POLQ: variants seen among roughly 807,000 people sequenced by gnomAD.
POLQ encodes the protein epididymis secretory sperm binding protein.
Under a neutral mutation model 259.2 loss-of-function variants are expected in POLQ, and 233 were observed. That is an observed-to-expected ratio of 0.90 (90% CI 0.81 to 1.00). The LOEUF is 1.00. Ranked by LOEUF, POLQ falls within the 50% of genes least tolerant of loss-of-function variation. The pLI is 0.00. For missense variants in POLQ, 2,871 were observed against 3,051.6 expected, an observed-to-expected ratio of 0.94 and a Z score of 1.39; for synonymous variants, 1,025 against 1,048.8, an observed-to-expected ratio of 0.98 and a Z score of 0.44.
At position 121,489,601 on chromosome 3, in the gene POLQ, A is replaced by T. The variant is rs1376879671; in HGVS notation, c.3330T>A (p.Asn1110Lys). ...TTATTTGTAATGGGAATGATGTTTT[A>T]TTATCTTTTTCCTTACCACTCAAAG... is the stretch of plus-strand genomic sequence containing the variant. The part of the protein sequence containing the change: ...NVSLSGKEKD[N>K]KTSFPLQIKQ... Residue 1110 changes from asparagine to lysine, a missense_variant, in exon 16 of 30, where the codon AAT becomes AAA. Physicochemically the swap from Asn to Lys is moderately conservative, Grantham distance 94. Coordinates refer to ENST00000264233, the MANE Select transcript of POLQ (RefSeq NM_199420.4). The T allele has an allele frequency of 6.2e-7, 1 of 1,613,104 alleles. No individual in the cohort carries two copies. The highest frequency in any genetic ancestry group is 8.5e-7 in the Non-Finnish European group (1 of 1,179,612).
intron 29 of POLQ, 62 bp from the exon 30 acceptor site, chr3:121,432,479 C>T: frequency 6.4e-7 from 1 of 1,555,914 alleles, no homozygotes; most frequent in Non-Finnish European, 8.6e-7. Context: ...CCAAACCATC[C>T]CCTGAGAAAG....
intron 24 of POLQ, 49 bp from the exon 25 acceptor site, chr3:121,460,283 C>A (rs776051052): frequency 1.9e-4 from 265 of 1,389,976 alleles, no homozygotes; most frequent in Non-Finnish European, 2.6e-4. Context: ...TTCTATATCA[C>A]ACAATCCAAG....
At chr3:121,436,628 A>G (rs1018910207) in intron 27 of POLQ, among the ~76,000 whole-genome samples, 10 of 152,146 alleles carry the variant, frequency 6.6e-5, no homozygotes, top group Non-Finnish European at 1.0e-4. Context: ...GCTCCTCAAA[A>G]TAATCTTAAT....
At chr3:121,455,807 A>C (rs1382491049) in intron 25 of POLQ, among the ~76,000 whole-genome samples, 1 of 152,234 alleles carries the variant, frequency 6.6e-6, no homozygotes, top group Admixed American at 6.5e-5. Flanking sequence ...CCAGAGTTAC[A>C]AGGAGGAACT....
At chr3:121,479,009 C>T (rs1394067707) in intron 19 of POLQ, among the ~76,000 whole-genome samples, 1 of 152,144 alleles carries the variant, frequency 6.6e-6, no homozygotes, top group African/African-American at 2.4e-5. Context: ...ATTTACACAA[C>T]AGCTCAGGTT....
rs1390604334 is a variant in POLQ, at chr3:121,472,144, CTTTAA to C, written c.6559_6563del (p.Leu2187GlyfsTer17). 1 of 1,495,888 alleles carries C rather than the reference CTTTAA, an allele frequency of 6.7e-7. No homozygotes were observed. The highest frequency in any genetic ancestry group is 9.1e-7 in the Non-Finnish European group (1 of 1,101,632). 92.7% of individuals were successfully genotyped at this position (1,495,888 alleles called of 1,614,324 possible). A position where few individuals can be genotyped will look rare whatever the true frequency, so the allele number is the denominator to read the frequency against. ...TCAAGCCTGGTAAAGGATGTAATGC[CTTTAA>C]TTTATTTAAAACGTCCTGCCAAAAA... is the stretch of plus-strand genomic sequence containing the variant. On this transcript the variant is annotated frameshift_variant, in exon 22 of 30. Coordinates refer to ENST00000264233, the MANE Select transcript of POLQ (RefSeq NM_199420.4). LOFTEE classifies it high-confidence loss of function.
intron 14 of POLQ, among the ~76,000 whole-genome samples, chr3:121,495,506 C>G (rs892630079): frequency 3.3e-5 from 5 of 151,880 alleles, no homozygotes; most frequent in African/African-American, 1.2e-4. Flanking sequence ...GAACATAAAC[C>G]CCTAGAGGCA....
At position 121,487,291 on chromosome 3, in the gene POLQ, A is replaced by G. The variant is rs2048019656; in HGVS notation, c.5629+11T>C. 6.7e-7 allele frequency: 1 copy of G among 1,486,300 alleles called. No homozygotes were observed. Among genetic ancestry groups the G allele is most frequent in the Non-Finnish European group, 9.1e-7 (1 of 1,104,250 alleles). The allele number at this position is 1,486,300 out of a possible 1,614,324, so 92.1% of individuals were successfully genotyped here. ...ATAAATATGAAAAAATAAAATTAAA[A>G]AAATTCTTACCTTGCTTAAACCTAC... On this transcript the variant is annotated intron_variant, in intron 16 of 29. Transcript: ENST00000264233.
At position 121,498,512 on chromosome 3, in the gene POLQ, A is replaced by G. The variant is rs1211337996; in HGVS notation, c.2118T>C (p.Thr706=). 6.2e-7 allele frequency: 1 copy of G among 1,614,012 alleles called. No homozygotes were observed. Among genetic ancestry groups the G allele is most frequent in the South Asian group, 1.1e-5 (1 of 91,036 alleles). Residue 706 remains threonine, a synonymous_variant, in exon 13 of 30, where the codon ACT becomes ACC. Coordinates refer to ENST00000264233, the MANE Select transcript of POLQ (RefSeq NM_199420.4). Reference sequence around the variant, plus strand: ...TGGCCATTTGTCGATGCTGTCTCTCAGTTCTGGCTACTACTTTTCCTTTCA... The same window carrying G: ...TGGCCATTTGTCGATGCTGTCTCTCGGTTCTGGCTACTACTTTTCCTTTCA... The part of the protein sequence containing the change: ...RCVKGKVVAR[T]ERQHRQMAIH...
chr3:121,444,476 A>G (rs1225203715), intron 26 of POLQ, among the ~76,000 whole-genome samples: 1 of 152,142 alleles, frequency 6.6e-6, no homozygotes, highest in African/African-American at 2.4e-5. Context: ...TTTGTTTATC[A>G]GTTCTAATAG....
At chr3:121,502,949 T>C (rs1368651523) in intron 12 of POLQ, among the ~76,000 whole-genome samples, 1 of 151,212 alleles carries the variant, frequency 6.6e-6, no homozygotes, top group Non-Finnish European at 1.5e-5. Flanking sequence ...AAAAAAAAAA[T>C]GGCAAAAAAT....
intron 20 of POLQ, among the ~76,000 whole-genome samples, chr3:121,473,950 C>T (rs1414536795): frequency 1.3e-5 from 2 of 152,124 alleles, no homozygotes; most frequent in Admixed American, 6.5e-5. Flanking sequence ...TGGTCTCAAA[C>T]TCCTAAGCTC....
chr3:121,436,172 G>A lies in POLQ; in HGVS notation c.7493C>T (p.Thr2498Ile). 6.2e-7 allele frequency: 1 copy of A among 1,613,844 alleles called. No homozygotes were observed. The highest frequency in any genetic ancestry group is 8.5e-7 in the Non-Finnish European group (1 of 1,179,762). The change falls in exon 28 of 30, where the codon ACC becomes ATC. Residue 2498 changes from threonine to isoleucine, a missense_variant. Physicochemically the swap from Thr to Ile is moderately conservative, Grantham distance 89. Coordinates refer to ENST00000264233, the MANE Select transcript of POLQ (RefSeq NM_199420.4). ...CTCTCGATGACCATGGGATTTGAAG[G>A]TTGAGTGGAAGGTCTCTAATTGCTT... is the stretch of plus-strand genomic sequence containing the variant. ...IQKQLETFHS[T>I]FKSHGHREGM...
intron 16 of POLQ, among the ~76,000 whole-genome samples, chr3:121,486,860 CAAAGAAAGAGGAAAG>C (rs2108796834): frequency 8.3e-6 from 1 of 120,348 alleles, no homozygotes; most frequent in Admixed American, 9.0e-5. Context: ...CTGAACAAGA[CAAAGAAAGAGGAAAG>C]AAAGAAAGAA....
At chr3:121,450,335 G>A (rs1286411452) in intron 25 of POLQ, among the ~76,000 whole-genome samples, 1 of 151,042 alleles carries the variant, frequency 6.6e-6, no homozygotes, top group East Asian at 1.9e-4. Flanking sequence ...CCACCCCCAA[G>A]TTTTCTATTT....
intron 24 of POLQ, among the ~76,000 whole-genome samples, chr3:121,462,963 C>T (rs766791070): frequency 5.3e-5 from 8 of 152,202 alleles, no homozygotes; most frequent in African/African-American, 1.4e-4. Flanking sequence ...CCATAACGTC[C>T]GCATACTAGC....
chr3:121,436,958 G>A (rs2047549018), intron 27 of POLQ, among the ~76,000 whole-genome samples: 1 of 152,070 alleles, frequency 6.6e-6, no homozygotes, highest in African/African-American at 2.4e-5. Context: ...ATATCCAGGT[G>A]TAATCTATAT....
rs140008042 is a variant in POLQ at position 121,495,023 on chromosome 3, G to A, written c.2279-1302C>T. On this transcript the variant is annotated intron_variant, in intron 14 of 29. Transcript: ENST00000264233. ...GCAGTGGCTCACGCCTGTAATCCCA[G>A]CACTTTGGAAGGCCAAGTCGAGCAG... 1.2e-3 allele frequency: 635 copies of A among 552,080 alleles called. 3 individuals are homozygous for A. Among genetic ancestry groups the A allele is most frequent in the African/African-American group, 9.2e-3 (484 of 52,622 alleles). The allele number at this position is 552,080 out of a possible 1,614,324, so 34.2% of individuals were successfully genotyped here. A position where few individuals can be genotyped will look rare whatever the true frequency, so the allele number is the denominator to read the frequency against.
rs142004739 is a variant in POLQ at position 121,493,650 on chromosome 3, G to A, written c.2350C>T (p.Arg784Cys). The change falls in exon 15 of 30, where the codon CGT becomes TGT. Residue 784 changes from arginine (R) to cysteine (C), a missense_variant. By Grantham distance (180) the Arg-to-Cys change is radical. Around this residue, in one of 3 missense-constraint regions of POLQ, gnomAD observed 2,080 missense variants for 2,126.0 expected, o/e 0.98. Coordinates refer to ENST00000264233, the MANE Select transcript of POLQ (RefSeq NM_199420.4). Reference protein sequence around the residue: ...MELLLSQFQKRLTFGIQRELC... With the variant: ...MELLLSQFQKCLTFGIQRELC... Reference sequence around the variant, plus strand: ...TCCCTCTGGATGCCAAACGTAAGACGCTTCTGAAATTGGGAAAGTAGTAGT... The same window carrying A: ...TCCCTCTGGATGCCAAACGTAAGACACTTCTGAAATTGGGAAAGTAGTAGT... The A allele has an allele frequency of 8.2e-5, 132 of 1,614,014 alleles. No individual in the cohort carries two copies. In the African/African-American group the frequency reaches 1.5e-3, roughly 19 times the overall value.
Sources: allele counts gnomAD v4.1 joint callset (sites outside exome capture counted in the v4.1 genomes callset), GRCh38; gene constraint gnomAD v4.1.1; regional missense constraint gnomAD v4.1.1; transcripts MANE v1.5; gene names NCBI Gene and HGNC (gene_info 2026-07-23, HGNC 2026-07-21).